Variants in DIAPH2 observed in about 807,000 individuals in gnomAD.
DIAPH2 encodes the protein protein diaphanous homolog 2.
A neutral mutation model predicts 92.7 loss-of-function variants in DIAPH2; 35 were observed. The ratio of observed to expected loss-of-function variants is 0.38; its 90% CI spans 0.29 to 0.50. The LOEUF (loss-of-function observed/expected upper bound fraction) is 0.50, where lower values mean the gene tolerates loss of function less well. Ranked by LOEUF, DIAPH2 falls within the 20% of genes least tolerant of loss-of-function variation. DIAPH2 has a pLI of 0.94. For synonymous variants in DIAPH2, 301 were observed against 280.4 expected (o/e 1.07, Z -0.73); for missense variants, 701 against 819.5 (o/e 0.86, Z 1.77).
At chrX:96,779,456 A>C (rs890740131) in intron 4 of DIAPH2, among the ~76,000 whole-genome samples, 2 of 112,172 alleles carry the variant, frequency 1.8e-5, no homozygotes, top group African/African-American at 6.5e-5. Flanking sequence ...GGTGCAGTGG[A>C]ATTTGAAGTA....
intron 21 of DIAPH2, among the ~76,000 whole-genome samples, chrX:97,116,771 C>T (rs1365032700): frequency 1.8e-5 from 2 of 112,053 alleles, no homozygotes; most frequent in African/African-American, 6.5e-5. Context: ...TAATTTCACA[C>T]TATTCAAATT....
intron 26 of DIAPH2, among the ~76,000 whole-genome samples, chrX:97,438,142 A>G (rs1463807620): frequency 9.3e-6 from 1 of 107,200 alleles, no homozygotes; most frequent in African/African-American, 3.4e-5. Context: ...AAAAAGAAAA[A>G]AAAAAGTAGT....
At chrX:96,790,658 T>C (rs760932973) in intron 4 of DIAPH2, among the ~76,000 whole-genome samples, 49 of 111,402 alleles carry the variant, frequency 4.4e-4, no homozygotes, top group Non-Finnish European at 7.7e-4. Context: ...AAAAATCCTA[T>C]GTATCTTAGA....
At chrX:96,874,051 C>T (rs770184912) in intron 4 of DIAPH2, among the ~76,000 whole-genome samples, 1 of 111,709 alleles carries the variant, frequency 9.0e-6, no homozygotes, top group Non-Finnish European at 1.9e-5. Context: ...CACAAGTGCA[C>T]TATGTGTGGT....
rs181712623 is a variant in DIAPH2 at position 97,139,016 on chromosome X, T to C, written c.2590-2649T>C. Among the ~76,000 whole-genome samples, 690 of 111,604 alleles carry C rather than the reference T, an allele frequency of 6.2e-3. 8 individuals are homozygous for C. Among genetic ancestry groups the C allele is most frequent in the African/African-American group, 0.022 (667 of 30,834 alleles). On this transcript the variant is annotated intron_variant, in intron 21 of 26. Coordinates refer to ENST00000324765, the MANE Select transcript of DIAPH2 (RefSeq NM_006729.5). ...AATGGAAATCAATTCTATTTCTTAA[T>C]AAACTAACTCAAACATTTTGGAAAT...
chrX:97,085,614 G>T (rs1016480845), intron 19 of DIAPH2, among the ~76,000 whole-genome samples: 1 of 110,087 alleles, frequency 9.1e-6, no homozygotes, highest in Non-Finnish European at 1.9e-5. Flanking sequence ...ATGGGGTTTC[G>T]CCATGTTAGC....
intron 4 of DIAPH2, among the ~76,000 whole-genome samples, chrX:96,837,111 G>T (rs1294066840): frequency 9.0e-6 from 1 of 110,605 alleles, no homozygotes; most frequent in Non-Finnish European, 1.9e-5. Context: ...CCCTTTCCTT[G>T]CATGCTTCAA....
chrX:96,890,942 A>G (rs1231772841), intron 5 of DIAPH2, among the ~76,000 whole-genome samples: 1 of 111,496 alleles, frequency 9.0e-6, no homozygotes, highest in Non-Finnish European at 1.9e-5. Flanking sequence ...ATACTCTGTA[A>G]TAGTTTCATG....
chrX:96,852,691 A>G (rs2065013744), intron 4 of DIAPH2, among the ~76,000 whole-genome samples: 1 of 111,449 alleles, frequency 9.0e-6, no homozygotes, highest in Admixed American at 9.6e-5. Context: ...CTGACAGCCT[A>G]CAGTTTTATT....
At chrX:97,533,058 A>T (rs968585174) in intron 26 of DIAPH2, 1 of 111,493 alleles carries the variant, frequency 9.0e-6, no homozygotes. Flanking sequence ...AATTTTGAAC[A>T]TAAAAGTTGC....
chrX:96,914,822 A>G (rs1182311676), intron 7 of DIAPH2, among the ~76,000 whole-genome samples: 1 of 111,726 alleles, frequency 9.0e-6, no homozygotes, highest in Admixed American at 9.5e-5. Context: ...TGCTCAGAGC[A>G]TGGATTAATG....
rs148102122 is a variant in DIAPH2, at chrX:97,556,623, C to T, written c.3242-42630C>T. Among the ~76,000 whole-genome samples the T allele has an allele frequency of 1.1e-3, 119 of 111,460 alleles. 1 individual carries two copies. Among genetic ancestry groups the T allele is most frequent in the Non-Finnish European group, 1.7e-3 (92 of 53,097 alleles). ...ACATGGCCTTCTTACCTCTGTGTGC[C>T]CTCTGTGTCTCCAAATCTCTCTCCC... On this transcript the variant is annotated intron_variant, in intron 26 of 26. Coordinates refer to ENST00000324765, the MANE Select transcript of DIAPH2 (RefSeq NM_006729.5).
intron 17 of DIAPH2, among the ~76,000 whole-genome samples, chrX:97,028,011 A>C (rs1416504792): frequency 2.7e-5 from 3 of 112,378 alleles, no homozygotes; most frequent in African/African-American, 9.7e-5. Flanking sequence ...TGCTGTGGCA[A>C]TGTCATATAT....
intron 4 of DIAPH2, among the ~76,000 whole-genome samples, chrX:96,859,274 C>T (rs1398981209): frequency 2.7e-5 from 3 of 109,689 alleles, no homozygotes; most frequent in East Asian, 5.7e-4. Context: ...CTATAGAAAG[C>T]GACTAGAATA....
chrX:97,044,544 T>A (rs912115004), intron 17 of DIAPH2, among the ~76,000 whole-genome samples: 31 of 111,445 alleles, frequency 2.8e-4, no homozygotes, highest in African/African-American at 9.8e-4. Context: ...TTGATATTAT[T>A]TCCTGTTACC....
rs5903074 is a variant in DIAPH2, at chrX:97,315,666, AT to A, written c.2845-32436del. On this transcript the variant is annotated intron_variant, in intron 23 of 26. Transcript: ENST00000324765. ...TGGGTTTGAAAGTGTTCTTTTAACCATTTTTTTTTTTTTTAAACCACAGCTG... is the reference window on the plus strand; with the variant it reads ...TGGGTTTGAAAGTGTTCTTTTAACCATTTTTTTTTTTTTAAACCACAGCTG... Among the ~76,000 whole-genome samples, 346 of 100,777 alleles carry A rather than the reference AT, an allele frequency of 3.4e-3. 1 individual carries two copies. Among genetic ancestry groups the A allele is most frequent in the African/African-American group, 7.5e-3 (209 of 27,816 alleles). 87.5% of individuals were successfully genotyped at this position (100,777 alleles called of 115,157 possible). A position where few individuals can be genotyped will look rare whatever the true frequency, so the allele number is the denominator to read the frequency against.
chrX:97,017,039 T>C (rs1433468158), intron 17 of DIAPH2, among the ~76,000 whole-genome samples: 2 of 111,810 alleles, frequency 1.8e-5, no homozygotes, highest in Middle Eastern at 4.2e-3. Context: ...AGCTGTGCAC[T>C]ACTTCTGTTT....
chrX:97,336,403 G>A (rs1302502375), intron 23 of DIAPH2, among the ~76,000 whole-genome samples: 11 of 107,161 alleles, frequency 1.0e-4, no homozygotes, highest in Non-Finnish European at 2.1e-4. Flanking sequence ...CCGCCACCAC[G>A]CCCGGCTAAT....
intron 17 of DIAPH2, among the ~76,000 whole-genome samples, chrX:97,062,831 G>A (rs781489721): frequency 1.8e-5 from 2 of 108,358 alleles, no homozygotes; most frequent in African/African-American, 6.7e-5. Context: ...TCAGGAGTTC[G>A]AGACCAGCCT....
Sources: allele counts gnomAD v4.1 joint callset (sites outside exome capture counted in the v4.1 genomes callset), GRCh38; gene constraint gnomAD v4.1.1; transcripts MANE v1.5; gene names NCBI Gene and HGNC (gene_info 2026-07-23, HGNC 2026-07-21).